The following CDH4 variants were observed in gnomAD, a reference collection of about 807,000 sequenced individuals.
The protein encoded by CDH4 is cadherin-4.
Under a neutral mutation model 86.0 loss-of-function variants are expected in CDH4, and 33 were observed. The observed-to-expected ratio is 0.38, with a 90% CI of 0.29 to 0.51. CDH4 has a LOEUF of 0.51. Ranked by LOEUF, CDH4 falls within the 20% of genes least tolerant of loss-of-function variation. The probability of loss-of-function intolerance (pLI) is 0.86; values close to 1 mark genes in which losing one functional copy is unlikely to be tolerated. For missense variants in CDH4, 1,114 were observed against 1,307.4 expected (o/e 0.85, Z 2.28); for synonymous variants, 555 against 549.4 (o/e 1.01, Z -0.14).
At chr20:61,678,487 TGTG>T (rs2087471519) in intron 2 of CDH4, among the ~76,000 whole-genome samples, 1 of 152,118 alleles carries the variant, frequency 6.6e-6, no homozygotes, top group African/African-American at 2.4e-5. Flanking sequence ...AATGCGAAAG[TGTG>T]GTGGGCGCAA....
At chr20:61,602,297 C>T (rs1339795964) in intron 2 of CDH4, among the ~76,000 whole-genome samples, 2 of 152,134 alleles carry the variant, frequency 1.3e-5, no homozygotes, top group African/African-American at 4.8e-5. Context: ...CAGGCAGACA[C>T]CCGGTCCCCA....
chr20:61,454,501 A>G lies in CDH4; in HGVS notation c.169+199564A>G, dbSNP rs1019766164. Among the ~76,000 whole-genome samples the G allele has an allele frequency of 4.6e-5, 7 of 152,234 alleles. No homozygotes were observed. In the South Asian group the frequency reaches 1.5e-3, roughly 32 times the overall value. The stretch of plus-strand genomic sequence containing the variant: ...CACTCTGTCCCCCAGGCTGGAGTGC[A>G]GTGGCGCGATCTCGGCTCACTGCAA... On this transcript the variant is annotated intron_variant, in intron 2 of 15. Transcript: ENST00000614565.
At chr20:61,694,099 G>T (rs1434009829) in intron 2 of CDH4, among the ~76,000 whole-genome samples, 15 of 151,806 alleles carry the variant, frequency 9.9e-5, no homozygotes, top group Admixed American at 9.2e-4. Context: ...TTGCCATGTT[G>T]GCCAGGTTGG....
intron 2 of CDH4, among the ~76,000 whole-genome samples, chr20:61,639,810 C>G (rs939032305): frequency 6.6e-6 from 1 of 151,810 alleles, no homozygotes; most frequent in Non-Finnish European, 1.5e-5. Context: ...GTCAGCTGGC[C>G]GATTATTTTA....
intron 11 of CDH4, among the ~76,000 whole-genome samples, chr20:61,927,815 C>G (rs904175572): frequency 2.0e-5 from 3 of 152,152 alleles, no homozygotes; most frequent in African/African-American, 7.2e-5. Flanking sequence ...CCGCTGTGTG[C>G]GTGTGTGCAG....
chr20:61,715,818 C>T (rs1186913500), intron 2 of CDH4, among the ~76,000 whole-genome samples: 2 of 152,180 alleles, frequency 1.3e-5, no homozygotes, highest in Non-Finnish European at 2.9e-5. Context: ...CTTGCCGGCC[C>T]AGGTCCCATG....
chr20:61,656,321 G>T (rs1325407076), intron 2 of CDH4, among the ~76,000 whole-genome samples: 1 of 140,206 alleles, frequency 7.1e-6, no homozygotes, highest in Non-Finnish European at 1.5e-5. Context: ...GCTGAAGTGG[G>T]CAGGCGCGTG....
chr20:61,460,416 C>T (rs1314551853), intron 2 of CDH4, among the ~76,000 whole-genome samples: 1 of 152,186 alleles, frequency 6.6e-6, no homozygotes, highest in Non-Finnish European at 1.5e-5. Flanking sequence ...TGATGCCTGG[C>T]CTCATTGGAG....
intron 2 of CDH4, among the ~76,000 whole-genome samples, chr20:61,293,290 C>T (rs146055284): frequency 9.7e-4 from 147 of 152,270 alleles, no homozygotes; most frequent in African/African-American, 3.2e-3. Flanking sequence ...TGAGAGTGGT[C>T]TCACAGCTCC....
intron 9 of CDH4, among the ~76,000 whole-genome samples, chr20:61,914,833 C>G (rs1409607895): frequency 6.6e-6 from 1 of 152,168 alleles, no homozygotes; most frequent in Non-Finnish European, 1.5e-5. Context: ...CCACTGGGCA[C>G]AAGGAGGAGC....
chr20:61,711,315 C>T (rs1306944194), intron 2 of CDH4, among the ~76,000 whole-genome samples: 2 of 152,194 alleles, frequency 1.3e-5, no homozygotes, highest in Admixed American at 6.5e-5. Flanking sequence ...AACTGTGAGT[C>T]AATTAAACCT....
At chr20:61,827,448 G>A (rs970154704) in intron 4 of CDH4, among the ~76,000 whole-genome samples, 4 of 152,246 alleles carry the variant, frequency 2.6e-5, no homozygotes, top group African/African-American at 9.6e-5. Context: ...AAATGAATAA[G>A]TATTGAGGAC....
At chr20:61,515,679 G>A (rs1474209249) in intron 2 of CDH4, among the ~76,000 whole-genome samples, 1 of 152,220 alleles carries the variant, frequency 6.6e-6, no homozygotes, top group East Asian at 1.9e-4. Context: ...ATGAGATTCA[G>A]GGCTCCGGTG....
At chr20:61,885,848 C>G (rs1299511082) in intron 7 of CDH4, among the ~76,000 whole-genome samples, 1 of 152,220 alleles carries the variant, frequency 6.6e-6, no homozygotes, top group Non-Finnish European at 1.5e-5. Context: ...CTGTCTGCTC[C>G]ATCTCGCAGC....
chr20:61,391,514 G>A (rs1208313891), intron 2 of CDH4, among the ~76,000 whole-genome samples: 1 of 150,198 alleles, frequency 6.7e-6, no homozygotes. Flanking sequence ...CTGCACGTGT[G>A]GCGTAAGGGG....
chr20:61,473,631 T>C (rs898944528), intron 2 of CDH4, among the ~76,000 whole-genome samples: 2 of 152,236 alleles, frequency 1.3e-5, no homozygotes, highest in Admixed American at 1.3e-4. Flanking sequence ...CTGGGTTCTG[T>C]GATCTTGTAA....
rs113526174 is a variant in CDH4 at position 61,291,355 on chromosome 20, G to A, written c.169+36418G>A. On this transcript the variant is annotated intron_variant, in intron 2 of 15. Coordinates refer to ENST00000614565, the MANE Select transcript of CDH4 (RefSeq NM_001794.5). ...CGGTGACAAGGCACAGCCATGTGAA[G>A]ACTTGTGGAAAGAACGAGAACTCAA... Among the ~76,000 whole-genome samples the A allele has an allele frequency of 3.0e-3, 454 of 152,370 alleles. 5 individuals are homozygous for A. The highest frequency in any genetic ancestry group is 9.3e-3 in the African/African-American group (387 of 41,590).
rs1190192063 is a variant in CDH4, at chr20:61,501,718, A to G, written c.170-241845A>G. On this transcript the variant is annotated intron_variant, in intron 2 of 15. Transcript: ENST00000614565. The surrounding 1 kb of genome is among the most constrained non-coding windows in gnomAD (Gnocchi z 4.2). ...GTACTGGAATACTAGCTATCTTCAC[A>G]AGCACCACCCCGCCACTGCCTCCAC... 1.3e-5 allele frequency among the ~76,000 whole-genome samples: 2 copies of G among 152,112 alleles called. No homozygotes were observed. Among genetic ancestry groups the G allele is most frequent in the Non-Finnish European group, 2.9e-5 (2 of 68,004 alleles).
intron 4 of CDH4, among the ~76,000 whole-genome samples, chr20:61,815,937 C>T (rs1345628525): frequency 6.6e-6 from 1 of 152,234 alleles, no homozygotes; most frequent in Non-Finnish European, 1.5e-5. Context: ...GCTTCCACTT[C>T]TCTCAATTTA....
Sources: gnomAD v4.1 joint callset for allele counts (sites outside exome capture counted in the v4.1 genomes callset) on GRCh38, gnomAD v4.1.1 for gene constraint, Gnocchi (gnomAD v3.1) non-coding constraint, MANE v1.5 for transcripts, NCBI Gene and HGNC (gene_info 2026-07-23, HGNC 2026-07-21) for gene names.